TXNRD1: variants seen among roughly 807,000 people sequenced by gnomAD.
TXNRD1 encodes thioredoxin reductase 1, also known as thioredoxin reductase 1, cytoplasmic.
In TXNRD1, 57 loss-of-function variants were observed where a neutral mutation model predicts 80.3. That is an observed-to-expected ratio of 0.71 (90% confidence interval 0.57 to 0.89). The LOEUF is 0.89. Ranked by LOEUF, TXNRD1 falls within the 40% of genes least tolerant of loss-of-function variation. The probability of loss-of-function intolerance (pLI) is 0.00; values close to 1 mark genes in which losing one functional copy is unlikely to be tolerated. For missense variants in TXNRD1, 730 were observed against 803.0 expected (o/e 0.91, Z 1.10); for synonymous variants, 291 against 285.2 (o/e 1.02, Z -0.20).
At chr12:104,241,831 T>C (rs1422299931) in intron 1 of TXNRD1, among the ~76,000 whole-genome samples, 1 of 151,786 alleles carries the variant, frequency 6.6e-6, no homozygotes, top group Non-Finnish European at 1.5e-5. Flanking sequence ...GCCACCATGC[T>C]CAGTGAAAAG....
intron 16 of TXNRD1, among the ~76,000 whole-genome samples, chr12:104,341,275 G>A (rs1158486293): frequency 3.9e-5 from 6 of 152,160 alleles, no homozygotes; most frequent in African/African-American, 1.2e-4. Flanking sequence ...GCTTTGATAG[G>A]ACTCTGATAC....
intron 3 of TXNRD1, among the ~76,000 whole-genome samples, chr12:104,277,258 G>A (rs2033775143): frequency 6.6e-6 from 1 of 150,894 alleles, no homozygotes; most frequent in African/African-American, 2.4e-5. Context: ...AAATTAGCTG[G>A]GTGTGGTGGC....
chr12:104,305,018 T>C (rs565784845), intron 4 of TXNRD1: 23 of 1,361,184 alleles, frequency 1.7e-5, no homozygotes, highest in Non-Finnish European at 2.2e-5. Flanking sequence ...GCACATATTG[T>C]ATCTCTTGTA....
At chr12:104,230,288 C>T (rs1338838502) in intron 1 of TXNRD1, among the ~76,000 whole-genome samples, 8 of 151,910 alleles carry the variant, frequency 5.3e-5, no homozygotes, top group African/African-American at 2.4e-5. Flanking sequence ...AGGATGGTCT[C>T]GAACTCCCAA....
intron 2 of TXNRD1, among the ~76,000 whole-genome samples, chr12:104,251,972 G>A (rs1235882820): frequency 6.6e-6 from 1 of 150,552 alleles, no homozygotes; most frequent in Admixed American, 6.7e-5. Context: ...GCTGAGACAG[G>A]AGAATCACTT....
chr12:104,292,402 T>TTC (rs1175467050), intron 4 of TXNRD1, among the ~76,000 whole-genome samples: 1 of 150,162 alleles, frequency 6.7e-6, no homozygotes, highest in Non-Finnish European at 1.5e-5. Context: ...CGCCTTTTTT[T>TTC]TTTGAGATGG....
At chr12:104,281,072 T>C (rs754100878) in intron 3 of TXNRD1, among the ~76,000 whole-genome samples, 14 of 152,214 alleles carry the variant, frequency 9.2e-5, no homozygotes, top group Admixed American at 2.0e-4. Flanking sequence ...TGGATAATAA[T>C]AGATCTGTTA....
At chr12:104,302,507 T>TTTTTTTTTTTTTTTTTTTTGG (rs56722368) in intron 4 of TXNRD1, among the ~76,000 whole-genome samples, 1 of 148,064 alleles carries the variant, frequency 6.8e-6, no homozygotes. Flanking sequence ...TTTTTTTTTT[T>TTTTTTTTTTTTTTTTTTTTGG]GAGACGGAGT....
At chr12:104,313,057 T>A (rs1382485489) in intron 5 of TXNRD1, among the ~76,000 whole-genome samples, 188 bp from the exon 6 acceptor site, 2 of 152,230 alleles carry the variant, frequency 1.3e-5, no homozygotes, top group Non-Finnish European at 2.9e-5. Context: ...CTCTCAGAAC[T>A]ATCTGAATAT....
chr12:104,217,150 A>G (rs1737481692), intron 1 of TXNRD1, among the ~76,000 whole-genome samples: 1 of 152,172 alleles, frequency 6.6e-6, no homozygotes, highest in Non-Finnish European at 1.5e-5. Context: ...ATTTGTGGCC[A>G]TTAGTACAAT....
At chr12:104,319,628 A>T in intron 9 of TXNRD1, 43 bp downstream of exon 9, 1 of 1,413,990 alleles carries the variant, frequency 7.1e-7, no homozygotes, top group Non-Finnish European at 9.7e-7. Context: ...CCCATTGTGG[A>T]TATTGCTTTC....
intron 1 of TXNRD1, among the ~76,000 whole-genome samples, chr12:104,247,616 A>G (rs112356783): frequency 4.2e-4 from 64 of 152,228 alleles, no homozygotes; most frequent in African/African-American, 1.5e-3. Flanking sequence ...CTATCTATTT[A>G]TCTTTCCATC....
chr12:104,257,930 G>A lies in TXNRD1; in HGVS notation c.244-89G>A, dbSNP rs1413492692. The A allele has an allele frequency of 7.2e-6, 7 of 977,466 alleles. No homozygotes were observed. The East Asian group carries it at 1.9e-4, about 27-fold the overall frequency. 60.5% of individuals were successfully genotyped at this position (977,466 alleles called of 1,614,324 possible). On this transcript the variant is annotated intron_variant, in intron 2 of 16. Transcript: ENST00000525566. ...GTTTTCAAAGGTGAAGGCTGGTTGA[G>A]GAAGGAAGTAACAAAGCTGGATAAG...
chr12:104,315,199 G>GT (rs1428553131), intron 6 of TXNRD1, among the ~76,000 whole-genome samples: 1 of 152,138 alleles, frequency 6.6e-6, no homozygotes, highest in Admixed American at 6.6e-5. Flanking sequence ...AAAATCCTTT[G>GT]TAAGTTGAAA....
chr12:104,328,284 A>G (rs936110162), intron 13 of TXNRD1, among the ~76,000 whole-genome samples: 1 of 152,168 alleles, frequency 6.6e-6, no homozygotes, highest in Non-Finnish European at 1.5e-5. Context: ...TTATATCCAT[A>G]TACTCTAAAC....
At chr12:104,269,387 CTG>C in intron 3 of TXNRD1, among the ~76,000 whole-genome samples, 1 of 146,194 alleles carries the variant, frequency 6.8e-6, no homozygotes, top group African/African-American at 2.5e-5. Flanking sequence ...TCTTCTTTTT[CTG>C]TGTTTCTTTC....
chr12:104,309,991 C>T (rs566153655), intron 4 of TXNRD1: 79 of 1,536,246 alleles, frequency 5.1e-5, no homozygotes, highest in Admixed American at 1.6e-4. Flanking sequence ...ATTGCTCCAC[C>T]GCACCCCCTT....
chr12:104,331,894 G>C (rs2035964731), intron 14 of TXNRD1, among the ~76,000 whole-genome samples: 1 of 151,894 alleles, frequency 6.6e-6, no homozygotes, highest in Non-Finnish European at 1.5e-5. Context: ...ATACTTTATT[G>C]TGTATTTCTA....
intron 12 of TXNRD1, among the ~76,000 whole-genome samples, 194 bp downstream of exon 12, chr12:104,326,617 C>T: frequency 6.6e-6 from 1 of 151,862 alleles, no homozygotes; most frequent in Non-Finnish European, 1.5e-5. Flanking sequence ...AGGCATGCAC[C>T]ACCACACCTG....
Sources: gnomAD v4.1 joint callset for allele counts (sites outside exome capture counted in the v4.1 genomes callset) on GRCh38, gnomAD v4.1.1 for gene constraint, MANE v1.5 for transcripts, NCBI Gene and HGNC (gene_info 2026-07-23, HGNC 2026-07-21) for gene names.